HCN1: variants seen among roughly 807,000 people sequenced by gnomAD.
HCN1 encodes the protein potassium/sodium hyperpolarization-activated cyclic nucleotide-gated channel 1.
HCN1 carries 13 observed loss-of-function variants against 78.9 expected under a neutral mutation model. The observed-to-expected ratio is 0.16, with a 90% CI of 0.11 to 0.26. The LOEUF is 0.26. Ranked by LOEUF, HCN1 falls within the 10% of genes least tolerant of loss-of-function variation. The pLI is 1.00. For missense variants in HCN1, 810 were observed against 1,154.3 expected (o/e 0.70, Z 4.32); for synonymous variants, 552 against 455.5 (o/e 1.21, Z -2.70).
chr5:45,592,489 C>T (rs1744387384), intron 2 of HCN1, among the ~76,000 whole-genome samples: 1 of 152,062 alleles, frequency 6.6e-6, no homozygotes, highest in Non-Finnish European at 1.5e-5. Context: ...TATTGATTTT[C>T]AATTAATCTA....
rs1331977127 is a variant in HCN1 at position 45,527,091 on chromosome 5, CT to C, written c.850-65085del. ...TCTCTCTCTGTCTCTCTCACACACACTGACATTCACATCCTTTCCTACACAG... is the reference window on the plus strand; with the variant it reads ...TCTCTCTCTGTCTCTCTCACACACACGACATTCACATCCTTTCCTACACAG... On this transcript the variant is annotated intron_variant, in intron 2 of 7. Coordinates refer to ENST00000303230, the MANE Select transcript of HCN1 (RefSeq NM_021072.4). Among the ~76,000 whole-genome samples the C allele has an allele frequency of 4.4e-5, 6 of 135,264 alleles. 2 individuals are homozygous for C. Among genetic ancestry groups the C allele is most frequent in the Non-Finnish European group, 9.7e-5 (6 of 62,110 alleles). The allele number at this position is 135,264 out of a possible 152,430, so 88.7% of individuals were successfully genotyped here. A position where few individuals can be genotyped will look rare whatever the true frequency, so the allele number is the denominator to read the frequency against.
intron 4 of HCN1, among the ~76,000 whole-genome samples, chr5:45,383,561 G>A (rs1205470052): frequency 6.6e-6 from 1 of 152,022 alleles, no homozygotes; most frequent in African/African-American, 2.4e-5. Flanking sequence ...CAGGCATGGT[G>A]GCACACGCCT....
intron 1 of HCN1, among the ~76,000 whole-genome samples, chr5:45,650,237 A>C (rs1041173395): frequency 1.3e-5 from 2 of 152,064 alleles, no homozygotes; most frequent in Non-Finnish European, 2.9e-5. Context: ...TGAGGACTAC[A>C]TGCAATAGTG....
chr5:45,262,801 T>C lies in HCN1; in HGVS notation c.1793A>G (p.Asn598Ser), dbSNP rs765435039. The C allele has an allele frequency of 1.1e-5, 18 of 1,613,702 alleles. No individual in the cohort carries two copies. The East Asian group carries it at 3.3e-4, about 30-fold the overall frequency. The change falls in exon 8 of 8, where the codon AAT (asparagine) becomes AGT (serine). Residue 598 changes from asparagine to serine, a missense_variant. By Grantham distance (46) the Asn-to-Ser change is conservative. Around this residue, in one of 6 missense-constraint regions of HCN1, gnomAD observed 398 missense variants for 381.3 expected, o/e 1.04. Coordinates refer to ENST00000303230, the MANE Select transcript of HCN1 (RefSeq NM_021072.4). ...CTGGAACTTTTGCAGAAGAATTGAA[T>C]TTTTCTTTCCTGTCAGCAAAAGAAA... ...IDRLDRIGKKNSILLQKFQKD... is the reference protein window; with the variant it reads ...IDRLDRIGKKSSILLQKFQKD...
At chr5:45,645,914 C>G (rs948717174) in intron 1 of HCN1, among the ~76,000 whole-genome samples, 4 of 151,858 alleles carry the variant, frequency 2.6e-5, no homozygotes, top group Non-Finnish European at 4.4e-5. Context: ...AAGCAACCTA[C>G]CTTATACTTA....
Position 45,490,929 on chromosome 5 carries a change from A to G in HCN1, c.850-28922T>C, listed in dbSNP as rs184475067. 2.6e-5 allele frequency among the ~76,000 whole-genome samples: 4 copies of G among 152,080 alleles called. No homozygotes were observed. In the East Asian group the frequency reaches 7.8e-4, roughly 30 times the overall value. Reference sequence around the variant, plus strand: ...ACTTCTTCCTCTCAACTGGCCCTATATTCCAGGCAGGAGCATGTTCAAGGC... The same window carrying G: ...ACTTCTTCCTCTCAACTGGCCCTATGTTCCAGGCAGGAGCATGTTCAAGGC... On this transcript the variant is annotated intron_variant, in intron 2 of 7. Coordinates refer to ENST00000303230, the MANE Select transcript of HCN1 (RefSeq NM_021072.4).
chr5:45,482,086 T>C (rs1196262069), intron 2 of HCN1, among the ~76,000 whole-genome samples: 1 of 152,232 alleles, frequency 6.6e-6, no homozygotes, highest in Non-Finnish European at 1.5e-5. Context: ...CCTTTTGGTC[T>C]TGTTACCAGT....
intron 1 of HCN1, among the ~76,000 whole-genome samples, 158 bp from the exon 2 acceptor site, chr5:45,645,766 TTAAATC>T (rs1580015221): frequency 6.6e-6 from 1 of 152,140 alleles, no homozygotes; most frequent in Admixed American, 6.5e-5. Context: ...GGCTATATGT[TTAAATC>T]TAAGTAAAAT....
chr5:45,505,873 C>G (rs1742286272), intron 2 of HCN1, among the ~76,000 whole-genome samples: 1 of 151,984 alleles, frequency 6.6e-6, no homozygotes. Flanking sequence ...TCTAATATGA[C>G]TCTGGACACC....
intron 7 of HCN1, 42 bp from the exon 8 acceptor site, chr5:45,262,852 T>A (rs1489003661): frequency 6.2e-7 from 1 of 1,607,704 alleles, no homozygotes; most frequent in Non-Finnish European, 8.5e-7. Context: ...AGCCTACCAA[T>A]GACTGATGAC....
chr5:45,350,147 C>A (rs1746858158), intron 5 of HCN1, among the ~76,000 whole-genome samples: 1 of 152,134 alleles, frequency 6.6e-6, no homozygotes, highest in Non-Finnish European at 1.5e-5. Context: ...CAAACCGAAT[C>A]CAGCAGCACA....
chr5:45,393,114 C>T (rs1361506143), intron 4 of HCN1, among the ~76,000 whole-genome samples: 1 of 152,140 alleles, frequency 6.6e-6, no homozygotes, highest in African/African-American at 2.4e-5. Context: ...AACTTCCTCA[C>T]ATATTTAAAG....
intron 6 of HCN1, among the ~76,000 whole-genome samples, chr5:45,269,748 G>A (rs191819335): frequency 1.6e-4 from 25 of 152,120 alleles, no homozygotes; most frequent in East Asian, 1.9e-4. Context: ...AGACTATTCC[G>A]CAACATGGAG....
chr5:45,504,858 A>G (rs1430337170), intron 2 of HCN1, among the ~76,000 whole-genome samples: 2 of 152,056 alleles, frequency 1.3e-5, no homozygotes, highest in Non-Finnish European at 1.5e-5. Flanking sequence ...CAGTGATGAT[A>G]AGCATTTTTT....
intron 6 of HCN1, among the ~76,000 whole-genome samples, chr5:45,270,249 A>G (rs374069021): frequency 1.3e-4 from 20 of 152,328 alleles, no homozygotes; most frequent in African/African-American, 4.8e-4. Context: ...TGTGAAGGCA[A>G]AAGTTGTACT....
intron 1 of HCN1, among the ~76,000 whole-genome samples, chr5:45,647,689 A>C (rs1745578587): frequency 6.6e-6 from 1 of 151,998 alleles, no homozygotes; most frequent in African/African-American, 2.4e-5. Flanking sequence ...ACTCATCTCA[A>C]ACAGCATGCC....
chr5:45,607,600 TAG>T (rs1252796739), intron 2 of HCN1, among the ~76,000 whole-genome samples: 1 of 149,248 alleles, frequency 6.7e-6, no homozygotes, highest in African/African-American at 2.4e-5. Context: ...TATATATCTA[TAG>T]ATAGATCCAG....
chr5:45,616,618 T>G (rs1744960686), intron 2 of HCN1, among the ~76,000 whole-genome samples: 1 of 151,986 alleles, frequency 6.6e-6, no homozygotes, highest in African/African-American at 2.4e-5. Context: ...AATTTAAGTC[T>G]TTTGCATTGA....
At chr5:45,430,061 C>A (rs1279879197) in intron 3 of HCN1, among the ~76,000 whole-genome samples, 1 of 151,446 alleles carries the variant, frequency 6.6e-6, no homozygotes. Context: ...AATACAAACA[C>A]AAAACAAAAA....
Sources: gnomAD v4.1 joint callset for allele counts (sites outside exome capture counted in the v4.1 genomes callset) on GRCh38, gnomAD v4.1.1 for gene constraint, gnomAD v4.1.1 regional missense constraint, MANE v1.5 for transcripts, NCBI Gene and HGNC (gene_info 2026-07-23, HGNC 2026-07-21) for gene names.